SFMBT2: variants seen among roughly 807,000 people sequenced by gnomAD.
SFMBT2 encodes the protein scm-like with four MBT domains protein 2.
SFMBT2 carries 38 observed loss-of-function variants against 110.1 expected under a neutral mutation model. The observed-to-expected ratio is 0.35, with a 90% confidence interval of 0.27 to 0.45. The LOEUF (loss-of-function observed/expected upper bound fraction) is 0.45. Ranked by LOEUF, SFMBT2 falls within the 20% of genes least tolerant of loss-of-function variation. SFMBT2 has a pLI of 1.00. For synonymous variants in SFMBT2, 425 were observed against 425.4 expected, an observed-to-expected ratio of 1.00 and a Z score of 0.01; for missense variants, 1,011 against 1,094.9, an observed-to-expected ratio of 0.92 and a Z score of 1.08.
intron 4 of SFMBT2, among the ~76,000 whole-genome samples, chr10:7,289,630 G>A (rs553650913): frequency 6.6e-6 from 1 of 152,090 alleles, no homozygotes; most frequent in South Asian, 2.1e-4. Flanking sequence ...ACCACTTTAG[G>A]TTAAAAAGTA....
intron 4 of SFMBT2, among the ~76,000 whole-genome samples, chr10:7,346,383 C>T (rs966191033): frequency 3.3e-5 from 5 of 152,114 alleles, no homozygotes; most frequent in Non-Finnish European, 7.4e-5. Context: ...GGACATGAAA[C>T]AGAGGATGTG....
chr10:7,367,959 C>T lies in SFMBT2; in HGVS notation c.196-70G>A. On this transcript the variant is annotated intron_variant, in intron 3 of 20. Transcript: ENST00000397167. The surrounding 1 kb of genome is among the most constrained non-coding windows in gnomAD (Gnocchi z 6.2). ...CAATACATCCAGAAGATGACAAAAACCACTAAAAAATATGGCACTTACAAA... is the reference window on the plus strand; with the variant it reads ...CAATACATCCAGAAGATGACAAAAATCACTAAAAAATATGGCACTTACAAA... 1 of 1,552,826 alleles carries T rather than the reference C, an allele frequency of 6.4e-7. No individual in the cohort carries two copies. Among genetic ancestry groups the T allele is most frequent in the Non-Finnish European group, 8.7e-7 (1 of 1,149,990 alleles).
chr10:7,234,727 T>C (rs913843197), intron 9 of SFMBT2, among the ~76,000 whole-genome samples: 12 of 152,088 alleles, frequency 7.9e-5, no homozygotes, highest in African/African-American at 2.4e-4. Flanking sequence ...TGAAATATAA[T>C]TTTGAAAAAT....
intron 4 of SFMBT2, among the ~76,000 whole-genome samples, chr10:7,342,186 T>G (rs1843929368): frequency 6.6e-6 from 1 of 151,744 alleles, no homozygotes; most frequent in African/African-American, 2.4e-5. Context: ...TAAAGAGAAC[T>G]CCAGTATATA....
At chr10:7,231,168 C>CA (rs1840104257) in intron 9 of SFMBT2, among the ~76,000 whole-genome samples, 2 of 152,202 alleles carry the variant, frequency 1.3e-5, no homozygotes, top group Admixed American at 1.3e-4. Flanking sequence ...TAAGAAGACT[C>CA]ACGACTCCAT....
intron 11 of SFMBT2, among the ~76,000 whole-genome samples, chr10:7,214,341 C>G (rs778147962): frequency 1.3e-5 from 2 of 152,158 alleles, no homozygotes; most frequent in Non-Finnish European, 2.9e-5. Context: ...GCGTTCCTGT[C>G]TTGGATGCTG....
intron 4 of SFMBT2, among the ~76,000 whole-genome samples, chr10:7,300,171 T>C (rs1044180086): frequency 6.6e-6 from 1 of 151,556 alleles, no homozygotes; most frequent in Non-Finnish European, 1.5e-5. Context: ...TGCTGGGGGA[T>C]GGGGAGTGGA....
chr10:7,163,123 CAACAAACAAACA>C lies in SFMBT2; in HGVS notation c.*635_*646del, dbSNP rs59930811. Reference sequence around the variant, plus strand: ...GTCTCAAAAAACACAACAAAATGAACAACAAACAAACAAACAAACAAACAAACCATCTAGTTG... The same window carrying C: ...GTCTCAAAAAACACAACAAAATGAACAACAAACAAACAAACCATCTAGTTG... On this transcript the variant is annotated 3_prime_UTR_variant, in exon 21 of 21. Transcript: ENST00000397167. The surrounding 1 kb of genome is among the most constrained non-coding windows in gnomAD (Gnocchi z 4.8). The C allele has an allele frequency of 6.2e-6, 1 of 160,328 alleles. No individual in the cohort carries two copies. The highest frequency in any genetic ancestry group is 6.2e-5 in the Admixed American group (1 of 16,196). The allele number at this position is 160,328 out of a possible 1,614,324, so 9.9% of individuals were successfully genotyped here. A position where few individuals can be genotyped will look rare whatever the true frequency, so the allele number is the denominator to read the frequency against.
chr10:7,185,441 G>A (rs1039604971), intron 16 of SFMBT2, among the ~76,000 whole-genome samples: 3 of 152,036 alleles, frequency 2.0e-5, no homozygotes, highest in Non-Finnish European at 4.4e-5. Context: ...AAATGCTTGC[G>A]TAAAAGGACA....
At chr10:7,179,083 C>T (rs1291262989) in intron 16 of SFMBT2, among the ~76,000 whole-genome samples, 1 of 151,806 alleles carries the variant, frequency 6.6e-6, no homozygotes, top group East Asian at 1.9e-4. Context: ...CCAACTTGTA[C>T]TTTTTATCTG....
intron 4 of SFMBT2, among the ~76,000 whole-genome samples, chr10:7,331,205 C>T (rs1362669787): frequency 6.6e-6 from 1 of 152,214 alleles, no homozygotes; most frequent in African/African-American, 2.4e-5. Context: ...GCTCAGAATT[C>T]CCCCATAGGC....
chr10:7,353,703 G>C (rs935805340), intron 4 of SFMBT2, among the ~76,000 whole-genome samples: 7 of 152,040 alleles, frequency 4.6e-5, no homozygotes, highest in African/African-American at 1.4e-4. Flanking sequence ...CCTGTGTACT[G>C]CAACTCTGAC....
chr10:7,215,344 G>A (rs1321724186), intron 11 of SFMBT2, among the ~76,000 whole-genome samples: 1 of 152,216 alleles, frequency 6.6e-6, no homozygotes, highest in Non-Finnish European at 1.5e-5. Flanking sequence ...AGGCTGCAGT[G>A]AGCCGTGATC....
At chr10:7,356,813 G>C (rs895372305) in intron 4 of SFMBT2, among the ~76,000 whole-genome samples, 1 of 152,186 alleles carries the variant, frequency 6.6e-6, no homozygotes, top group African/African-American at 2.4e-5. Context: ...GTGGGTACCT[G>C]TAGAGTGATA....
intron 4 of SFMBT2, among the ~76,000 whole-genome samples, chr10:7,339,729 C>T (rs921823252): frequency 1.3e-5 from 2 of 152,176 alleles, no homozygotes; most frequent in African/African-American, 2.4e-5. Context: ...AGGCCAACTT[C>T]GTCATTCAGA....
intron 15 of SFMBT2, among the ~76,000 whole-genome samples, chr10:7,192,436 T>C (rs555495882): frequency 7.2e-5 from 11 of 152,216 alleles, no homozygotes; most frequent in Non-Finnish European, 1.3e-4. Flanking sequence ...CTATGAACAC[T>C]GAAGGCTGCT....
In SFMBT2 at chr10:7,384,874, G is replaced by A. The variant is rs148239973; in HGVS notation, c.-51-2925C>T. Reference sequence around the variant, plus strand: ...CCTCCTTCACAACAATCAACCCACTGCATTGGCGGCCACAGAACTAAACAT... The same window carrying A: ...CCTCCTTCACAACAATCAACCCACTACATTGGCGGCCACAGAACTAAACAT... On this transcript the variant is annotated intron_variant, in intron 1 of 20. Transcript: ENST00000397167. Among the ~76,000 whole-genome samples the A allele has an allele frequency of 5.4e-3, 823 of 152,280 alleles. 9 individuals are homozygous for A. The highest frequency in any genetic ancestry group is 0.018 in the African/African-American group (764 of 41,552).
intron 4 of SFMBT2, among the ~76,000 whole-genome samples, chr10:7,338,890 G>C (rs2131978948): frequency 6.6e-6 from 1 of 152,214 alleles, no homozygotes; most frequent in African/African-American, 2.4e-5. Flanking sequence ...GCTCTTCAGG[G>C]TAATGTCTGC....
rs990264958 is a variant in SFMBT2, at chr10:7,215,275, C to G, written c.1330+5136G>C. Among the ~76,000 whole-genome samples the G allele has an allele frequency of 2.6e-5, 4 of 151,972 alleles. No homozygotes were observed. The South Asian group carries it at 8.3e-4, about 32-fold the overall frequency. On this transcript the variant is annotated intron_variant, in intron 11 of 20. Transcript: ENST00000397167. ...AAGAAATTAGCCAGGTGTGGTGGCA[C>G]GTGCCTGAAGTTCCAGCTACTCAGG... is the stretch of plus-strand genomic sequence containing the variant.
Sources: gnomAD v4.1 joint callset for allele counts (sites outside exome capture counted in the v4.1 genomes callset) on GRCh38, gnomAD v4.1.1 for gene constraint, Gnocchi (gnomAD v3.1) non-coding constraint, MANE v1.5 for transcripts, NCBI Gene and HGNC (gene_info 2026-07-23, HGNC 2026-07-21) for gene names.